IL17RC: variants seen among roughly 807,000 people sequenced by gnomAD.
IL17RC encodes the protein interleukin-17 receptor C.
Under a neutral mutation model 86.7 loss-of-function variants are expected in IL17RC, and 53 were observed. That is an observed-to-expected ratio of 0.61 (90% CI 0.49 to 0.77). IL17RC has a LOEUF of 0.77. IL17RC is among the 30% of genes least tolerant of loss of function. The pLI is 0.00. For missense variants in IL17RC, 957 were observed against 940.0 expected, an observed-to-expected ratio of 1.02 and a Z score of -0.24; for synonymous variants, 439 against 413.1, an observed-to-expected ratio of 1.06 and a Z score of -0.76.
At chr3:9,920,463 C>T in intron 5 of IL17RC, 28 bp from the exon 6 acceptor site, 1 of 1,456,470 alleles carries the variant, frequency 6.9e-7, no homozygotes, top group Non-Finnish European at 9.5e-7. Flanking sequence ...CCCTGCACCG[C>T]CAGCCTTCCT....
chr3:9,931,576 G>A (rs112750435), intron 16 of IL17RC, among the ~76,000 whole-genome samples: 14 of 150,412 alleles, frequency 9.3e-5, no homozygotes, highest in Middle Eastern at 3.4e-3. Context: ...GCGCGATCTC[G>A]GCTAACTGCA....
intron 12 of IL17RC, 128 bp downstream of exon 12, chr3:9,928,758 CT>C (rs2084359514): frequency 7.6e-6 from 7 of 923,728 alleles, no homozygotes; most frequent in Non-Finnish European, 1.2e-5. Context: ...GTTCCACTGC[CT>C]ACTTTAGTAG....
intron 3 of IL17RC, 127 bp from the exon 4 acceptor site, chr3:9,918,208 C>G (rs2083266956): frequency 1.5e-6 from 2 of 1,311,676 alleles, no homozygotes; most frequent in Non-Finnish European, 2.1e-6. Flanking sequence ...AGAAGGACCC[C>G]CAGGCCAGTG....
At position 9,918,519 on chromosome 3, in the gene IL17RC, C is replaced by A; in HGVS notation, c.375C>A (p.Val125=). The change falls in exon 5 of 19, where the codon GTC becomes GTA. Residue 125 remains valine (V), a synonymous_variant. Coordinates refer to ENST00000403601, the MANE Select transcript of IL17RC (RefSeq NM_153460.4). ...CCACAGCCTCTCTCCAGGCCCAAGT[C>A]GTGCTCTCCTTCCAGGCCTACCCTA... is the stretch of plus-strand genomic sequence containing the variant. ...EPRNASLQAQ[V]VLSFQAYPTA... is the part of the protein sequence containing the mutation. The A allele has an allele frequency of 6.2e-7, 1 of 1,614,100 alleles. No individual in the cohort carries two copies. The highest frequency in any genetic ancestry group is 1.1e-5 in the South Asian group (1 of 91,074).
chr3:9,924,321 A>T (rs1559303712), intron 9 of IL17RC, 30 bp downstream of exon 9: 3 of 1,605,852 alleles, frequency 1.9e-6, no homozygotes, highest in Non-Finnish European at 2.6e-6. Flanking sequence ...GGGTGCCAGA[A>T]GAGGAGTGGG....
intron 7 of IL17RC, among the ~76,000 whole-genome samples, chr3:9,922,324 C>T (rs2083652256): frequency 6.6e-6 from 1 of 150,568 alleles, no homozygotes; most frequent in African/African-American, 2.5e-5. Flanking sequence ...GAATACATCA[C>T]ATACTGTGAT....
chr3:9,918,028 C>A lies in IL17RC; in HGVS notation c.233C>A (p.Thr78Asn), dbSNP rs759641491. 6 of 1,609,692 alleles carry A rather than the reference C, an allele frequency of 3.7e-6. No homozygotes were observed. The Admixed American group carries it at 6.7e-5, about 18-fold the overall frequency. ...CTGGTGCTGAGGTGCCAGAAGGAGACCGACTGTGACCTCTGTCTGCGTGTG... is the reference window on the plus strand; with the variant it reads ...CTGGTGCTGAGGTGCCAGAAGGAGAACGACTGTGACCTCTGTCTGCGTGTG... ...TELVLRCQKE[T>N]DCDLCLRVAV... The change falls in exon 3 of 19, where the codon ACC becomes AAC. Residue 78 changes from threonine to asparagine, a missense_variant. Thr to Asn is a moderately conservative substitution (Grantham distance 65). Coordinates refer to ENST00000403601, the MANE Select transcript of IL17RC (RefSeq NM_153460.4).
intron 4 of IL17RC, 22 bp downstream of exon 4, chr3:9,918,431 CAA>C (rs2083284185): frequency 6.2e-7 from 1 of 1,611,616 alleles, no homozygotes. Flanking sequence ...CTGGCTGGCC[CAA>C]CTGCCCCATG....
chr3:9,926,471 A>G (rs7624643), intron 9 of IL17RC, among the ~76,000 whole-genome samples: 1,723 of 152,292 alleles, frequency 0.011, 29 homozygotes, highest in African/African-American at 0.04. Flanking sequence ...TGTTTTACTA[A>G]TTTATATAAA....
intron 7 of IL17RC, among the ~76,000 whole-genome samples, chr3:9,922,237 C>T (rs183118242): frequency 3.9e-5 from 6 of 152,312 alleles, no homozygotes; most frequent in Admixed American, 2.6e-4. Context: ...AGGCATGAGC[C>T]GCCACGTCCG....
intron 16 of IL17RC, among the ~76,000 whole-genome samples, chr3:9,931,507 A>AT (rs1175674078): frequency 6.9e-6 from 1 of 144,846 alleles, no homozygotes; most frequent in Non-Finnish European, 1.5e-5. Flanking sequence ...ATATATACTT[A>AT]TTTTTTTATT....
At chr3:9,919,458 C>T (rs1051900900) in intron 5 of IL17RC, among the ~76,000 whole-genome samples, 2 of 152,014 alleles carry the variant, frequency 1.3e-5, no homozygotes, top group Non-Finnish European at 2.9e-5. Context: ...TCCTGGCTAA[C>T]ACTGTGAAAC....
chr3:9,931,462 CACACACACATATATATATAT>C (rs200814049), intron 16 of IL17RC, among the ~76,000 whole-genome samples: 2,190 of 130,336 alleles, frequency 0.017, 107 homozygotes, highest in East Asian at 0.16. Context: ...TTCACACACA[CACACACACATATATATATAT>C]ATATATATAT....
At chr3:9,925,970 C>T (rs1296554389) in intron 9 of IL17RC, among the ~76,000 whole-genome samples, 3 of 151,390 alleles carry the variant, frequency 2.0e-5, no homozygotes, top group Non-Finnish European at 2.9e-5. Context: ...AGGGATCCTC[C>T]TGCCTCAGCC....
At chr3:9,931,470 C>CACATATAT (rs750351615) in intron 16 of IL17RC, among the ~76,000 whole-genome samples, 67 of 43,688 alleles carry the variant, frequency 1.5e-3, no homozygotes, top group Admixed American at 3.2e-3. Context: ...CACACACACA[C>CACATATAT]ATATATATAT....
intron 9 of IL17RC, among the ~76,000 whole-genome samples, chr3:9,926,278 C>T (rs1035934341): frequency 2.0e-5 from 3 of 151,910 alleles, no homozygotes; most frequent in African/African-American, 4.8e-5. Context: ...GTGATCCACC[C>T]GCCTCGGCCG....
Position 9,933,186 on chromosome 3 carries a change from G to T in IL17RC, c.1756G>T (p.Val586Leu). 1 of 1,608,226 alleles carries T rather than the reference G, an allele frequency of 6.2e-7. No individual in the cohort carries two copies. The change falls in exon 19 of 19, where the codon GTG becomes TTG. Residue 586 changes from valine to leucine, a missense_variant. Physicochemically the swap from Val to Leu is conservative, Grantham distance 32. Coordinates refer to ENST00000403601, the MANE Select transcript of IL17RC (RefSeq NM_153460.4). The part of the protein sequence containing the change: ...VVVLLFSPGA[V>L]ALCSEWLQDG... ...GGTCTTGCTCTTCTCTCCCGGTGCG[G>T]TGGCGCTGTGCAGCGAGTGGCTACA... is the stretch of plus-strand genomic sequence containing the variant.
chr3:9,921,840 T>C (rs1193765435), intron 7 of IL17RC, among the ~76,000 whole-genome samples: 1 of 151,160 alleles, frequency 6.6e-6, no homozygotes, highest in Non-Finnish European at 1.5e-5. Context: ...TTAGCCAGGA[T>C]GGTCTTGATC....
rs1217433449 is a variant in IL17RC, at chr3:9,924,968, G to GT, written c.822+686dup. On this transcript the variant is annotated intron_variant, in intron 9 of 18. Transcript: ENST00000403601. ...TGGTGAGCACTACCATACTCAGCTA[G>GT]TTTTTTTTTGTTTTGTGTAGAGACG... Among the ~76,000 whole-genome samples the GT allele has an allele frequency of 1.7e-4, 25 of 151,208 alleles. No individual in the cohort carries two copies. In the East Asian group the frequency reaches 1.9e-3, roughly 12 times the overall value.
Sources: gnomAD v4.1 joint callset for allele counts (sites outside exome capture counted in the v4.1 genomes callset) on GRCh38, gnomAD v4.1.1 for gene constraint, MANE v1.5 for transcripts, NCBI Gene and HGNC (gene_info 2026-07-23, HGNC 2026-07-21) for gene names.